The following RORA variants were observed in gnomAD, a reference collection of about 807,000 sequenced individuals.
The protein encoded by RORA is nuclear receptor ROR-alpha.
RORA carries 7 observed loss-of-function variants against 69.5 expected under a neutral mutation model. The observed-to-expected ratio is 0.10, with a 90% CI of 0.06 to 0.19. The LOEUF (loss-of-function observed/expected upper bound fraction) is 0.19. Among genes scored for constraint, RORA ranks in the 10% least tolerant of loss-of-function variants. The pLI, the probability that RORA is intolerant of heterozygous loss-of-function variation, is 1.00. For missense variants in RORA, 457 were observed against 663.0 expected, an observed-to-expected ratio of 0.69 and a Z score of 3.41; for synonymous variants, 261 against 240.8, an observed-to-expected ratio of 1.08 and a Z score of -0.78.
intron 1 of RORA, among the ~76,000 whole-genome samples, chr15:61,198,563 T>C (rs2079865383): frequency 6.6e-6 from 1 of 152,092 alleles, no homozygotes; most frequent in Non-Finnish European, 1.5e-5. Context: ...GTAGGAAAAT[T>C]CATGTCCTGG....
chr15:61,197,704 C>T, intron 1 of RORA, among the ~76,000 whole-genome samples: 1 of 152,200 alleles, frequency 6.6e-6, no homozygotes, highest in East Asian at 1.9e-4. Context: ...TCCAATCCTC[C>T]TACCTCCTAC....
At chr15:60,766,401 C>G (rs1160990114) in intron 1 of RORA, among the ~76,000 whole-genome samples, 1 of 152,088 alleles carries the variant, frequency 6.6e-6, no homozygotes, top group Non-Finnish European at 1.5e-5. Flanking sequence ...AATATACAAA[C>G]TGGATATTCA....
chr15:60,529,600 G>T (rs1567063585), intron 3 of RORA: 1 of 152,194 alleles, frequency 6.6e-6, no homozygotes, highest in Non-Finnish European at 1.5e-5. Context: ...CACTGAGGAG[G>T]TATGCAGACA....
intron 1 of RORA, among the ~76,000 whole-genome samples, chr15:61,006,244 G>T (rs1447222172): frequency 6.6e-6 from 1 of 152,112 alleles, no homozygotes; most frequent in African/African-American, 2.4e-5. Flanking sequence ...TGGGATTACA[G>T]GCATGAGCCA....
intron 1 of RORA, among the ~76,000 whole-genome samples, chr15:61,119,254 A>G (rs2079079935): frequency 6.6e-6 from 1 of 151,974 alleles, no homozygotes; most frequent in Admixed American, 6.6e-5. Context: ...GCTGGAGTAC[A>G]GTGGTGCAAT....
chr15:60,655,319 G>C (rs1478113964), intron 2 of RORA, among the ~76,000 whole-genome samples: 2 of 152,102 alleles, frequency 1.3e-5, no homozygotes, highest in African/African-American at 4.8e-5. Context: ...AGATATCCAT[G>C]GCAAGGCCCC....
At chr15:61,116,257 C>T (rs2079049845) in intron 1 of RORA, among the ~76,000 whole-genome samples, 1 of 152,108 alleles carries the variant, frequency 6.6e-6, no homozygotes. Context: ...GTAAATTAGG[C>T]TCAACCAAGA....
At chr15:61,195,877 C>G (rs1330878249) in intron 1 of RORA, 1 of 152,198 alleles carries the variant, frequency 6.6e-6, no homozygotes, top group African/African-American at 2.4e-5. Flanking sequence ...CTCCTGAGGC[C>G]ACATCCCACG....
chr15:60,499,413 C>CT (rs769236384), intron 10 of RORA, among the ~76,000 whole-genome samples: 5 of 152,128 alleles, frequency 3.3e-5, no homozygotes, highest in Non-Finnish European at 7.3e-5. Flanking sequence ...GCACATATAC[C>CT]TGTAGTCTTA....
chr15:60,694,227 G>C (rs1391394488), intron 1 of RORA, among the ~76,000 whole-genome samples: 3 of 152,186 alleles, frequency 2.0e-5, no homozygotes, highest in Non-Finnish European at 4.4e-5. Context: ...CTGTAAGGCA[G>C]AGCTGGGCCA....
At chr15:61,203,194 A>G (rs1363724821) in intron 1 of RORA, among the ~76,000 whole-genome samples, 2 of 152,262 alleles carry the variant, frequency 1.3e-5, no homozygotes, top group African/African-American at 2.4e-5. Flanking sequence ...ACAGACAAAC[A>G]TAGTCACTTA....
At chr15:60,853,028 A>AC (rs1419025557) in intron 1 of RORA, among the ~76,000 whole-genome samples, 2 of 151,972 alleles carry the variant, frequency 1.3e-5, no homozygotes, top group African/African-American at 4.8e-5. Flanking sequence ...ATTAGTAATG[A>AC]CCCCCAGCTT....
At chr15:61,173,076 T>G (rs1320444220) in intron 1 of RORA, among the ~76,000 whole-genome samples, 1 of 152,210 alleles carries the variant, frequency 6.6e-6, no homozygotes, top group African/African-American at 2.4e-5. Flanking sequence ...CTTTTCCATC[T>G]CTCTTTCCTG....
At chr15:61,108,925 A>G (rs1187563383) in intron 1 of RORA, among the ~76,000 whole-genome samples, 1 of 152,204 alleles carries the variant, frequency 6.6e-6, no homozygotes, top group Admixed American at 6.5e-5. Context: ...CAGGTCAGGC[A>G]CCGTGGCTCA....
chr15:60,570,277 G>A (rs1359250440), intron 2 of RORA, among the ~76,000 whole-genome samples: 1 of 152,152 alleles, frequency 6.6e-6, no homozygotes, highest in African/African-American at 2.4e-5. Context: ...ACAAGTTTTT[G>A]TCTTCAGGAG....
At chr15:60,755,434 G>A (rs922193509) in intron 1 of RORA, among the ~76,000 whole-genome samples, 9 of 151,768 alleles carry the variant, frequency 5.9e-5, no homozygotes, top group Non-Finnish European at 1.3e-4. Context: ...GAATAGTGCC[G>A]CAATAAACAT....
rs1010461583 is a variant in RORA, at chr15:60,823,738, C to T, written c.167-145052G>A. Among the ~76,000 whole-genome samples the T allele has an allele frequency of 1.3e-5, 2 of 151,608 alleles. 1 individual carries two copies. Among genetic ancestry groups the T allele is most frequent in the South Asian group, 4.2e-4 (2 of 4,800 alleles). On this transcript the variant is annotated intron_variant, in intron 1 of 10. Coordinates refer to ENST00000335670, the MANE Select transcript of RORA (RefSeq NM_134261.3). The stretch of plus-strand genomic sequence containing the variant: ...TAGGTAACTAGGAATTTTTTTTAGA[C>T]AAGTTACCAGAAAAAAGAAAACACC...
At position 60,803,929 on chromosome 15, in the gene RORA, C is replaced by G. The variant is rs1360084949; in HGVS notation, c.167-125243G>C. Among the ~76,000 whole-genome samples the G allele has an allele frequency of 3.3e-5, 5 of 152,148 alleles. No individual in the cohort carries two copies. In the East Asian group the frequency reaches 9.6e-4, roughly 29 times the overall value. ...TCTATCTCCACTCTATATTTTCTCTCTTTCACTGTCTCTCTCTTCCAAATA... is the reference window on the plus strand; with the variant it reads ...TCTATCTCCACTCTATATTTTCTCTGTTTCACTGTCTCTCTCTTCCAAATA... On this transcript the variant is annotated intron_variant, in intron 1 of 10. Transcript: ENST00000335670.
At chr15:60,930,050 T>C (rs1286104824) in intron 1 of RORA, among the ~76,000 whole-genome samples, 1 of 152,204 alleles carries the variant, frequency 6.6e-6, no homozygotes, top group Non-Finnish European at 1.5e-5. Context: ...CTTGTGGCTG[T>C]TGGGCCCTTG....
Sources: allele counts gnomAD v4.1 joint callset (sites outside exome capture counted in the v4.1 genomes callset), GRCh38; gene constraint gnomAD v4.1.1; transcripts MANE v1.5; gene names NCBI Gene and HGNC (gene_info 2026-07-23, HGNC 2026-07-21).